Variants in RBFOX1 observed in about 807,000 individuals in gnomAD.
The protein encoded by RBFOX1 is RNA binding protein fox-1 homolog 1.
RBFOX1 carries 8 observed loss-of-function variants against 57.7 expected under a neutral mutation model. The observed-to-expected ratio is 0.14, with a 90% confidence interval of 0.08 to 0.25. RBFOX1 has a LOEUF of 0.25. Among genes scored for constraint, RBFOX1 ranks in the 10% least tolerant of loss-of-function variants. The pLI, the probability that RBFOX1 is intolerant of heterozygous loss-of-function variation, is 1.00. For missense variants in RBFOX1, 611 were observed against 548.5 expected (o/e 1.11, Z -1.14); for synonymous variants, 326 against 222.4 (o/e 1.47, Z -4.15).
At chr16:6,448,381 A>G (rs1340694994) in intron 2 of RBFOX1, among the ~76,000 whole-genome samples, 1 of 150,560 alleles carries the variant, frequency 6.6e-6, no homozygotes, top group Admixed American at 6.6e-5. Flanking sequence ...CTGGTCTTGA[A>G]CTCGTGACCT....
At chr16:5,955,511 T>C (rs1208978697) in intron 4 of RBFOX1, among the ~76,000 whole-genome samples, 1 of 152,090 alleles carries the variant, frequency 6.6e-6, no homozygotes, top group Non-Finnish European at 1.5e-5. Flanking sequence ...TGCAAATAAA[T>C]AATCATCATA....
intron 3 of RBFOX1, among the ~76,000 whole-genome samples, chr16:5,804,561 T>C (rs1337257645): frequency 6.6e-6 from 1 of 152,140 alleles, no homozygotes; most frequent in African/African-American, 2.4e-5. Context: ...CAGGTATGAG[T>C]TGCATTCCAC....
intron 3 of RBFOX1, among the ~76,000 whole-genome samples, chr16:5,790,586 A>C (rs557495311): frequency 2.6e-5 from 4 of 151,862 alleles, no homozygotes; most frequent in South Asian, 2.1e-4. Flanking sequence ...TGATGCTTAC[A>C]GGGTTTGGGG....
intron 4 of RBFOX1, among the ~76,000 whole-genome samples, chr16:7,279,532 G>C (rs1041867788): frequency 6.6e-6 from 1 of 152,174 alleles, no homozygotes; most frequent in South Asian, 2.1e-4. Flanking sequence ...ATTGGTGCTT[G>C]CTGGCTTTGG....
chr16:6,857,584 C>T (rs1002354647), intron 3 of RBFOX1, among the ~76,000 whole-genome samples: 1 of 152,166 alleles, frequency 6.6e-6, no homozygotes, highest in East Asian at 1.9e-4. Context: ...CAAATTTAAT[C>T]GCCGTAGCTC....
intron 3 of RBFOX1, among the ~76,000 whole-genome samples, chr16:6,922,367 C>G (rs948480879): frequency 1.3e-5 from 2 of 152,110 alleles, no homozygotes; most frequent in Non-Finnish European, 2.9e-5. Flanking sequence ...CCTTGCAAGC[C>G]CACTAAAGAA....
At chr16:5,319,417 T>A (rs1352252218) in intron 1 of RBFOX1, among the ~76,000 whole-genome samples, 1 of 152,186 alleles carries the variant, frequency 6.6e-6, no homozygotes, top group Non-Finnish European at 1.5e-5. Flanking sequence ...GCCCTCCCAC[T>A]GGTCTTTTCA....
chr16:7,066,309 C>A lies in RBFOX1; in HGVS notation c.27+14211C>A, dbSNP rs191036292. 2.0e-5 allele frequency among the ~76,000 whole-genome samples: 3 copies of A among 152,252 alleles called. No homozygotes were observed. In the East Asian group the frequency reaches 5.8e-4, roughly 29 times the overall value. ...GTTACCTTGATGTCTATTGAGATTG[C>A]CTTAGCTCAAGGTAAGAATGCATTT... On this transcript the variant is annotated intron_variant, in intron 4 of 15. Transcript: ENST00000550418.
chr16:6,644,475 G>A (rs558508481), intron 2 of RBFOX1, among the ~76,000 whole-genome samples: 25 of 152,276 alleles, frequency 1.6e-4, no homozygotes, highest in Admixed American at 1.2e-3. Flanking sequence ...ATCATAAGCC[G>A]ATTTGGGCTT....
rs116759320 is a variant in RBFOX1, at chr16:5,905,786, C to T, written c.351+38451C>T. Among the ~76,000 whole-genome samples the T allele has an allele frequency of 2.7e-3, 410 of 152,300 alleles. 2 individuals are homozygous for T. Among genetic ancestry groups the T allele is most frequent in the African/African-American group, 9.5e-3 (395 of 41,570 alleles). On this transcript the variant is annotated intron_variant, in intron 4 of 19. Transcript: ENST00000641259. ...TTCAGATTTCTTGATCTCAGGCTTC[C>T]ATCCTCCTGAAGGGTGAGAAAACTG...
intron 3 of RBFOX1, among the ~76,000 whole-genome samples, chr16:6,828,982 T>C (rs1603629759): frequency 1.3e-5 from 2 of 149,574 alleles, no homozygotes; most frequent in Non-Finnish European, 1.5e-5. Context: ...CCCGTTGTTA[T>C]AAATCTCTGT....
chr16:5,571,196 T>C (rs1015088934), intron 2 of RBFOX1, among the ~76,000 whole-genome samples: 1 of 147,142 alleles, frequency 6.8e-6, no homozygotes, highest in African/African-American at 2.5e-5. Flanking sequence ...CCCCTGGTAG[T>C]GAAGTGACCC....
At chr16:7,230,938 A>G (rs539010278) in intron 4 of RBFOX1, among the ~76,000 whole-genome samples, 9 of 152,206 alleles carry the variant, frequency 5.9e-5, no homozygotes, top group African/African-American at 2.2e-4. Context: ...TTACCTTCTG[A>G]TGTTAGGTAA....
chr16:5,728,432 G>A (rs1264197735), intron 3 of RBFOX1, among the ~76,000 whole-genome samples: 1 of 152,214 alleles, frequency 6.6e-6, no homozygotes, highest in Non-Finnish European at 1.5e-5. Context: ...TGAAGGGATT[G>A]ATGGACAGGT....
chr16:6,758,834 G>A (rs541185200), intron 3 of RBFOX1, among the ~76,000 whole-genome samples: 14 of 152,204 alleles, frequency 9.2e-5, no homozygotes, highest in African/African-American at 3.4e-4. Flanking sequence ...CTTTAACTCT[G>A]GGTAATGTGT....
At chr16:7,204,044 G>A (rs2089359332) in intron 4 of RBFOX1, among the ~76,000 whole-genome samples, 1 of 152,252 alleles carries the variant, frequency 6.6e-6, no homozygotes, top group Non-Finnish European at 1.5e-5. Flanking sequence ...TCTGCAGCCA[G>A]GGTGCCCCTG....
chr16:5,770,202 C>G (rs1379955755), intron 3 of RBFOX1, among the ~76,000 whole-genome samples: 2 of 152,170 alleles, frequency 1.3e-5, no homozygotes, highest in Admixed American at 6.5e-5. Flanking sequence ...ATCAACAGGA[C>G]TGTTTTCAGA....
chr16:7,074,900 C>T (rs1399201347), intron 4 of RBFOX1, among the ~76,000 whole-genome samples: 1 of 152,042 alleles, frequency 6.6e-6, no homozygotes, highest in South Asian at 2.1e-4. Context: ...AAAGCCATCC[C>T]CCAGTGAGAC....
At chr16:6,517,546 A>G (rs541919787) in intron 2 of RBFOX1, among the ~76,000 whole-genome samples, 2 of 152,004 alleles carry the variant, frequency 1.3e-5, no homozygotes, top group African/African-American at 4.8e-5. Context: ...GTGGGAGAGG[A>G]TGTGAGGATT....
Sources: allele counts gnomAD v4.1 joint callset (sites outside exome capture counted in the v4.1 genomes callset), GRCh38; gene constraint gnomAD v4.1.1; transcripts MANE v1.5; gene names NCBI Gene and HGNC (gene_info 2026-07-23, HGNC 2026-07-21).